The following MAP7 variants were observed in gnomAD, a reference collection of about 807,000 sequenced individuals.
MAP7 encodes ensconsin.
A neutral mutation model predicts 94.8 loss-of-function variants in MAP7; 52 were observed. The observed-to-expected ratio is 0.55, with a 90% CI of 0.44 to 0.69. The LOEUF is 0.69. MAP7 is among the 30% of genes least tolerant of loss of function. The pLI, the probability that MAP7 is intolerant of heterozygous loss-of-function variation, is 0.00. For synonymous variants in MAP7, 350 were observed against 357.0 expected (o/e 0.98, Z 0.22); for missense variants, 940 against 964.6 (o/e 0.97, Z 0.34).
intron 1 of MAP7, among the ~76,000 whole-genome samples, chr6:136,515,954 G>C (rs1158782449): frequency 1.3e-5 from 2 of 152,078 alleles, no homozygotes; most frequent in Non-Finnish European, 2.9e-5. Context: ...CACAATAAAA[G>C]AAAGTACGTG....
chr6:136,366,827 A>G (rs1038001875), intron 8 of MAP7, among the ~76,000 whole-genome samples: 6 of 128,726 alleles, frequency 4.7e-5, no homozygotes, highest in Non-Finnish European at 1.0e-4. Flanking sequence ...ATTAAAACAC[A>G]TCTTTTTCTT....
Position 136,363,728 on chromosome 6 carries a change from G to A in MAP7, c.1274-1026C>T, listed in dbSNP as rs1162563775. Among the ~76,000 whole-genome samples, 8 of 152,124 alleles carry A rather than the reference G, an allele frequency of 5.3e-5. No homozygotes were observed. The East Asian group carries it at 1.5e-3, about 29-fold the overall frequency. ...GCCTGGCAGAGGTGAGAACCAGTGG[G>A]CCTTCTGGAAAAAAATTCTGACTTC... On this transcript the variant is annotated intron_variant, in intron 10 of 17. Transcript: ENST00000354570.
chr6:136,365,815 AG>A lies in MAP7; in HGVS notation c.1192del (p.Leu398Ter), dbSNP rs34345049. 1 of 1,614,064 alleles carries A rather than the reference AG, an allele frequency of 6.2e-7. No homozygotes were observed. On this transcript the variant is annotated frameshift_variant, in exon 10 of 18. Transcript: ENST00000354570. LOFTEE classifies it high-confidence loss of function. The part of the protein sequence containing the change: ...EPQKVANEPS[L>X]KGRAPLVKVE... ...CTTCACTAAAGGTGCTCTGCCCTTTAGTGAGGGCTCATTGGCAACTTTCTGA... is the reference window on the plus strand; with the variant it reads ...CTTCACTAAAGGTGCTCTGCCCTTTATGAGGGCTCATTGGCAACTTTCTGA...
chr6:136,389,574 A>C, intron 3 of MAP7, 57 bp from the exon 4 acceptor site: 1 of 1,535,914 alleles, frequency 6.5e-7, no homozygotes, highest in Non-Finnish European at 8.9e-7. Flanking sequence ...GGCAGGTTGC[A>C]AACTTGAATA....
rs1353468716 is a variant in MAP7, at chr6:136,345,931, T to C, written c.2164A>G (p.Ile722Val). 6.8e-6 allele frequency: 11 copies of C among 1,614,108 alleles called. No homozygotes were observed. The highest frequency in any genetic ancestry group is 2.7e-5 in the African/African-American group (2 of 75,028). The change falls in exon 17 of 18, where the codon ATT (isoleucine) becomes GTT (valine). Residue 722 changes from isoleucine to valine, a missense_variant. Transcript: ENST00000354570. ...GTCCCTTCATCATCAAAGGCCAAAA[T>C]TGGATTCAAAGGAATTTCTGGGCTC... ...SESPEIPLNPILAFDDEGTLG... is the reference protein window; with the variant it reads ...SESPEIPLNPVLAFDDEGTLG...
At chr6:136,476,566 T>C (rs563875572) in intron 1 of MAP7, among the ~76,000 whole-genome samples, 12 of 152,226 alleles carry the variant, frequency 7.9e-5, no homozygotes, top group African/African-American at 1.4e-4. Flanking sequence ...ATATTTAACA[T>C]AGAAAAAGTT....
chr6:136,544,988 A>G (rs1186380958), intron 1 of MAP7, among the ~76,000 whole-genome samples: 1 of 152,224 alleles, frequency 6.6e-6, no homozygotes, highest in Non-Finnish European at 1.5e-5. Flanking sequence ...CAATAAGTCA[A>G]TGAGCCAAAC....
intron 1 of MAP7, among the ~76,000 whole-genome samples, chr6:136,486,112 T>C (rs1259898581): frequency 6.6e-6 from 1 of 152,202 alleles, no homozygotes; most frequent in African/African-American, 2.4e-5. Context: ...GAAAATTCTC[T>C]AAATCCTAGA....
At chr6:136,514,580 C>CAAAAAAAAAAAAAAAA (rs1046225937) in intron 1 of MAP7, among the ~76,000 whole-genome samples, 11 of 49,052 alleles carry the variant, frequency 2.2e-4, no homozygotes, top group African/African-American at 7.1e-4. Context: ...GACTCTGTCT[C>CAAAAAAAAAAAAAAAA]AAAAAAAAAA....
intron 1 of MAP7, among the ~76,000 whole-genome samples, chr6:136,524,115 G>T (rs560699595): frequency 6.6e-6 from 1 of 152,108 alleles, no homozygotes; most frequent in Non-Finnish European, 1.5e-5. Context: ...ATGGTGGCAG[G>T]TGCCTGTAAT....
At chr6:136,369,486 T>C (rs999680804) in intron 8 of MAP7, among the ~76,000 whole-genome samples, 2 of 152,224 alleles carry the variant, frequency 1.3e-5, no homozygotes, top group South Asian at 2.1e-4. Flanking sequence ...GACATGAGAA[T>C]TGCTTGAGCC....
rs1554259490 is a variant in MAP7 at position 136,456,822 on chromosome 6, G to GAAGAAGAA, written c.68-35024_68-35023insTTCTTCTT. ...AGAAGAAGAAGAAGAAGAAGAAGAAGGAAGAAGAAGAAGAAGAAGAAGAAG... is the reference window on the plus strand; with the variant it reads ...AGAAGAAGAAGAAGAAGAAGAAGAAGAAGAAGAAGAAGAAGAAGAAGAAGAAGAAGAAG... On this transcript the variant is annotated intron_variant, in intron 1 of 17. Transcript: ENST00000354570. Among the ~76,000 whole-genome samples, 378 of 68,886 alleles carry GAAGAAGAA rather than the reference G, an allele frequency of 5.5e-3. 9 individuals carry two copies. The highest frequency in any genetic ancestry group is 0.013 in the African/African-American group (198 of 15,688). 45.2% of individuals were successfully genotyped at this position (68,886 alleles called of 152,430 possible).
At chr6:136,384,836 G>A (rs961587048) in intron 5 of MAP7, among the ~76,000 whole-genome samples, 4 of 152,108 alleles carry the variant, frequency 2.6e-5, no homozygotes, top group African/African-American at 9.7e-5. Flanking sequence ...CATACAAAAG[G>A]CAAGAATTAG....
chr6:136,508,137 G>A (rs1274431185), intron 1 of MAP7, among the ~76,000 whole-genome samples: 1 of 151,850 alleles, frequency 6.6e-6, no homozygotes, highest in African/African-American at 2.4e-5. Flanking sequence ...ACCAGCCTGG[G>A]CAACATGGTG....
chr6:136,396,823 T>C lies in MAP7; in HGVS notation c.245-7306A>G, dbSNP rs569751702. Among the ~76,000 whole-genome samples, 16 of 152,346 alleles carry C rather than the reference T, an allele frequency of 1.1e-4. No homozygotes were observed. In the East Asian group the frequency reaches 3.1e-3, roughly 29 times the overall value. On this transcript the variant is annotated intron_variant, in intron 3 of 17. Coordinates refer to ENST00000354570, the MANE Select transcript of MAP7 (RefSeq NM_003980.6). ...ATAATTACACATAATATGGTTAGAA[T>C]ACTTTTCTGCAATGTAGTAAACATT...
chr6:136,458,339 T>A (rs996110883), intron 1 of MAP7, among the ~76,000 whole-genome samples: 8 of 152,144 alleles, frequency 5.3e-5, no homozygotes, highest in Admixed American at 1.3e-4. Flanking sequence ...ATTGTCAACA[T>A]GTCCACACTA....
chr6:136,410,575 T>G (rs1787131791), intron 3 of MAP7, among the ~76,000 whole-genome samples: 1 of 152,198 alleles, frequency 6.6e-6, no homozygotes, highest in Non-Finnish European at 1.5e-5. Context: ...TCACTTCCAG[T>G]AAGCAAATGA....
intron 1 of MAP7, among the ~76,000 whole-genome samples, chr6:136,540,106 G>T (rs983010473): frequency 5.9e-5 from 9 of 152,168 alleles, no homozygotes; most frequent in Admixed American, 5.9e-4. Context: ...AAACCGCAGA[G>T]GTTACCAGCT....
intron 1 of MAP7, among the ~76,000 whole-genome samples, chr6:136,523,468 A>T (rs1183334715): frequency 6.6e-6 from 1 of 152,272 alleles, no homozygotes; most frequent in East Asian, 1.9e-4. Flanking sequence ...TGGACAGTGC[A>T]TATACAGAAC....
Sources: allele counts gnomAD v4.1 joint callset (sites outside exome capture counted in the v4.1 genomes callset), GRCh38; gene constraint gnomAD v4.1.1; transcripts MANE v1.5; gene names NCBI Gene and HGNC (gene_info 2026-07-23, HGNC 2026-07-21).